PCDHA9: variants seen among roughly 807,000 people sequenced by gnomAD.
PCDHA9 encodes the protein protocadherin alpha-9.
In PCDHA9, 62 loss-of-function variants were observed where a neutral mutation model predicts 62.0. The observed-to-expected ratio is 1.00, with a 90% confidence interval of 0.81 to 1.23. The LOEUF (loss-of-function observed/expected upper bound fraction) is 1.23, where lower values mean the gene tolerates loss of function less well. Among genes scored for constraint, PCDHA9 ranks in the 50% most tolerant of loss-of-function variants. PCDHA9 has a pLI of 0.00. For synonymous variants in PCDHA9, 557 were observed against 567.6 expected, an observed-to-expected ratio of 0.98 and a Z score of 0.27; for missense variants, 1,205 against 1,249.8, an observed-to-expected ratio of 0.96 and a Z score of 0.54.
rs141079325 is a variant in PCDHA9 at position 140,900,797 on chromosome 5, T to C, written c.2394+49908T>C. Among the ~76,000 whole-genome samples the C allele has an allele frequency of 8.0e-3, 1,218 of 152,324 alleles. 6 individuals carry two copies. Among genetic ancestry groups the C allele is most frequent in the African/African-American group, 0.019 (783 of 41,568 alleles). On this transcript the variant is annotated intron_variant, in intron 1 of 3. Coordinates refer to ENST00000532602, the MANE Select transcript of PCDHA9 (RefSeq NM_031857.2). ...TGAGGAAACTCCAAACTGTTCTCCA[T>C]AGTGCTTGTACTAATTTACATTCCC...
At chr5:140,979,843 A>G (rs1373380351) in intron 2 of PCDHA9, among the ~76,000 whole-genome samples, 1 of 152,246 alleles carries the variant, frequency 6.6e-6, no homozygotes, top group African/African-American at 2.4e-5. Context: ...TAATCTTCAA[A>G]CTTAAGCCCC....
chr5:140,948,558 G>A (rs2094272533), intron 1 of PCDHA9, among the ~76,000 whole-genome samples: 2 of 151,514 alleles, frequency 1.3e-5, no homozygotes, highest in Admixed American at 1.3e-4. Flanking sequence ...ATTTTGTTAA[G>A]TTGTATTTTT....
chr5:140,881,282 G>A, intron 1 of PCDHA9: 1 of 795,028 alleles, frequency 1.3e-6, no homozygotes, highest in Non-Finnish European at 1.5e-6. Context: ...GTAAGATGGA[G>A]AGAGAAAATG....
At chr5:140,998,014 C>T (rs1554256135) in intron 3 of PCDHA9, among the ~76,000 whole-genome samples, 1 of 152,162 alleles carries the variant, frequency 6.6e-6, no homozygotes, top group Non-Finnish European at 1.5e-5. Context: ...TCCATCCCCA[C>T]CTCGAGCTAG....
Position 140,856,069 on chromosome 5 carries a change from C to A in PCDHA9, c.2394+5180C>A, listed in dbSNP as rs149846721. ...ATAAGATGGTTTCCAGATGTAGCTG[C>A]CTGGGGGTCCAGTGTCTGCTGCTCT... On this transcript the variant is annotated intron_variant, in intron 1 of 3. Coordinates refer to ENST00000532602, the MANE Select transcript of PCDHA9 (RefSeq NM_031857.2). 5 of 1,591,600 alleles carry A rather than the reference C, an allele frequency of 3.1e-6. 1 individual carries two copies. Among genetic ancestry groups the A allele is most frequent in the Non-Finnish European group, 4.3e-6 (5 of 1,163,516 alleles).
In PCDHA9 at chr5:140,969,225, C is replaced by T. The variant is rs782766938; in HGVS notation, c.2395-9724C>T. 22 of 1,614,118 alleles carry T rather than the reference C, an allele frequency of 1.4e-5. No homozygotes were observed. Among genetic ancestry groups the T allele is most frequent in the East Asian group, 1.3e-4 (6 of 44,872 alleles). Reference sequence around the variant, plus strand: ...GGGGCCCAGACAGGACCAGGGCCTTCGGGAGCCCAAGCAGCAGTGACTGAC... The same window carrying T: ...GGGGCCCAGACAGGACCAGGGCCTTTGGGAGCCCAAGCAGCAGTGACTGAC... On this transcript the variant is annotated intron_variant, in intron 1 of 3. Coordinates refer to ENST00000532602, the MANE Select transcript of PCDHA9 (RefSeq NM_031857.2).
chr5:140,910,257 A>G (rs1428252762), intron 1 of PCDHA9, among the ~76,000 whole-genome samples: 1 of 152,202 alleles, frequency 6.6e-6, no homozygotes, highest in East Asian at 1.9e-4. Flanking sequence ...TAGGCTTCCT[A>G]TCATTTTCAC....
At chr5:140,922,735 G>A (rs1370700616) in intron 1 of PCDHA9, among the ~76,000 whole-genome samples, 2 of 152,078 alleles carry the variant, frequency 1.3e-5, no homozygotes, top group Admixed American at 1.3e-4. Flanking sequence ...ACAAGGTTGA[G>A]AAAAATAAAT....
Position 140,850,846 on chromosome 5 carries a change from A to G in PCDHA9, c.2351A>G (p.Glu784Gly), listed in dbSNP as rs1183689960. 8 of 1,596,424 alleles carry G rather than the reference A, an allele frequency of 5.0e-6. 2 individuals carry two copies. Among genetic ancestry groups the G allele is most frequent in the Non-Finnish European group, 6.0e-6 (7 of 1,166,358 alleles). Residue 784 changes from glutamate to glycine, a missense_variant, in exon 1 of 4, where the codon GAG (glutamate) becomes GGG (glycine). Coordinates refer to ENST00000532602, the MANE Select transcript of PCDHA9 (RefSeq NM_031857.2). ...CTTTCTCCTTGTGCTGGATCTACAG[A>G]GCGAACGGGAGAACCCTCTGCTTCC... ...PGLSPCAGST[E>G]RTGEPSASSD...
chr5:141,006,465 G>T (rs1338372692), intron 3 of PCDHA9, among the ~76,000 whole-genome samples: 3 of 151,948 alleles, frequency 2.0e-5, no homozygotes, highest in Non-Finnish European at 4.4e-5. Context: ...TGCCTGTCTC[G>T]GCCTCCCAAA....
At chr5:140,911,716 T>A (rs2075609522) in intron 1 of PCDHA9, among the ~76,000 whole-genome samples, 1 of 151,644 alleles carries the variant, frequency 6.6e-6, no homozygotes, top group Non-Finnish European at 1.5e-5. Context: ...TTTGTGTAAC[T>A]CTGTAAACAG....
At position 140,848,429 on chromosome 5, in the gene PCDHA9, G is replaced by T. The variant is rs1781516011; in HGVS notation, c.-67G>T. On this transcript the variant is annotated 5_prime_UTR_variant, in exon 1 of 4. Transcript: ENST00000532602. ...GCGAACACAGCAGAATGGGACTGAC[G>T]AAATCAGATGATTTCTTCTAATTTG... 1 of 1,456,608 alleles carries T rather than the reference G, an allele frequency of 6.9e-7. No individual in the cohort carries two copies. The highest frequency in any genetic ancestry group is 1.9e-5 in the Admixed American group (1 of 51,482). 90.2% of individuals were successfully genotyped at this position (1,456,608 alleles called of 1,614,324 possible).
At chr5:140,935,363 C>T (rs1005942314) in intron 1 of PCDHA9, among the ~76,000 whole-genome samples, 3 of 152,180 alleles carry the variant, frequency 2.0e-5, no homozygotes, top group African/African-American at 7.2e-5. Flanking sequence ...TTTTCATTAA[C>T]GTCAACAGAA....
In PCDHA9 at chr5:140,850,235, G is replaced by C. The variant is rs2041450021; in HGVS notation, c.1740G>C (p.Met580Ile). The C allele has an allele frequency of 6.3e-7, 1 of 1,593,876 alleles. No homozygotes were observed. Among genetic ancestry groups the C allele is most frequent in the African/African-American group, 1.3e-5 (1 of 74,298 alleles). ...GCACTGACGGCGCAGTGAGCGAGATGGTGCTGCGGTCGGTGGGCGCCGGCG... is the reference window on the plus strand; with the variant it reads ...GCACTGACGGCGCAGTGAGCGAGATCGTGCTGCGGTCGGTGGGCGCCGGCG... ...MRGTDGAVSE[M>I]VLRSVGAGVV... is the part of the protein sequence containing the mutation. The change falls in exon 1 of 4, where the codon ATG (methionine) becomes ATC (isoleucine). Residue 580 changes from methionine (M) to isoleucine (I), a missense_variant. Met to Ile is a conservative substitution (Grantham distance 10, BLOSUM62 1). Transcript: ENST00000532602.
At chr5:140,909,094 T>C (rs1445563506) in intron 1 of PCDHA9, among the ~76,000 whole-genome samples, 1 of 152,196 alleles carries the variant, frequency 6.6e-6, no homozygotes, top group Admixed American at 6.5e-5. Context: ...TACTTCTCAC[T>C]CACTGGGTCC....
At chr5:140,857,171 G>A in intron 1 of PCDHA9, 1 of 1,598,424 alleles carries the variant, frequency 6.3e-7, no homozygotes, top group South Asian at 1.1e-5. Flanking sequence ...CAGCGTTTCT[G>A]ACCATGATTC....
chr5:140,866,445 T>G (rs2049364254), intron 1 of PCDHA9: 1 of 152,140 alleles, frequency 6.6e-6, no homozygotes, highest in South Asian at 2.1e-4. Flanking sequence ...TCTTCAGTCT[T>G]ATTGTTGGCT....
chr5:140,988,324 C>T (rs2097292768), intron 3 of PCDHA9, among the ~76,000 whole-genome samples: 1 of 152,206 alleles, frequency 6.6e-6, no homozygotes, highest in African/African-American at 2.4e-5. Flanking sequence ...CTTTCTCTAC[C>T]CGAGGAAAGT....
At position 140,850,688 on chromosome 5, in the gene PCDHA9, G is replaced by A. The variant is rs2150494137; in HGVS notation, c.2193G>A (p.Glu731=). Residue 731 remains glutamate (E), a synonymous_variant, in exon 1 of 4, where the codon GAG becomes GAA. Coordinates refer to ENST00000532602, the MANE Select transcript of PCDHA9 (RefSeq NM_031857.2). ...LRCSAMPTEG[E]CAPGKPTLVC... is the part of the protein sequence containing the mutation. ...GCTCGGCGATGCCCACCGAGGGCGA[G>A]TGCGCGCCTGGCAAGCCGACGCTGG... The A allele has an allele frequency of 4.4e-6, 7 of 1,598,388 alleles. 1 individual carries two copies. The African/African-American group carries it at 8.1e-5, about 18-fold the overall frequency.
Sources: gnomAD v4.1 joint callset for allele counts (sites outside exome capture counted in the v4.1 genomes callset) on GRCh38, gnomAD v4.1.1 for gene constraint, MANE v1.5 for transcripts, NCBI Gene and HGNC (gene_info 2026-07-23, HGNC 2026-07-21) for gene names.